The following GPC5 variants were observed in gnomAD, a reference collection of about 807,000 sequenced individuals.
GPC5 encodes the protein glypican-5.
In GPC5, 47 loss-of-function variants were observed where a neutral mutation model predicts 53.9. That is an observed-to-expected ratio of 0.87 (90% CI 0.69 to 1.11). GPC5 has a LOEUF of 1.11. Ranked by LOEUF, GPC5 falls within the 50% of genes most tolerant of loss-of-function variation. GPC5 has a pLI of 0.00. For synonymous variants in GPC5, 286 were observed against 263.3 expected (o/e 1.09, Z -0.84); for missense variants, 748 against 713.1 (o/e 1.05, Z -0.56).
intron 7 of GPC5, among the ~76,000 whole-genome samples, chr13:92,469,354 A>AT (rs1878823771): frequency 6.6e-6 from 1 of 152,036 alleles, no homozygotes; most frequent in Non-Finnish European, 1.5e-5. Context: ...TTTCTATACC[A>AT]TTTTTAATAT....
At chr13:92,377,074 A>G (rs537745393) in intron 7 of GPC5, among the ~76,000 whole-genome samples, 47 of 152,266 alleles carry the variant, frequency 3.1e-4, no homozygotes, top group Admixed American at 3.0e-3. Context: ...CATGTGGTAA[A>G]TTGTTCTTTA....
intron 7 of GPC5, among the ~76,000 whole-genome samples, chr13:92,252,154 G>A (rs1287672632): frequency 1.3e-5 from 2 of 152,104 alleles, no homozygotes; most frequent in Admixed American, 1.3e-4. Context: ...AGTGACACAT[G>A]ACTGGCCTCT....
chr13:92,307,951 G>A (rs2043121646), intron 7 of GPC5, among the ~76,000 whole-genome samples: 1 of 152,022 alleles, frequency 6.6e-6, no homozygotes, highest in Non-Finnish European at 1.5e-5. Flanking sequence ...CTATGGGTGG[G>A]GCTACATTTT....
At chr13:91,558,987 G>A (rs1048980012) in intron 2 of GPC5, among the ~76,000 whole-genome samples, 1 of 151,730 alleles carries the variant, frequency 6.6e-6, no homozygotes, top group Non-Finnish European at 1.5e-5. Context: ...ATTCTTTATG[G>A]TGAACACTTA....
chr13:91,549,509 A>G (rs2030499092), intron 2 of GPC5, among the ~76,000 whole-genome samples: 1 of 152,180 alleles, frequency 6.6e-6, no homozygotes, highest in Admixed American at 6.6e-5. Context: ...CAAAAGACAC[A>G]TCTGATAAAG....
intron 7 of GPC5, among the ~76,000 whole-genome samples, chr13:92,836,746 C>G (rs2138827755): frequency 6.6e-6 from 1 of 151,976 alleles, no homozygotes; most frequent in African/African-American, 2.4e-5. Flanking sequence ...CATTATAGAA[C>G]TGATCATTGT....
At chr13:91,569,929 A>G (rs2031707552) in intron 2 of GPC5, among the ~76,000 whole-genome samples, 1 of 152,182 alleles carries the variant, frequency 6.6e-6, no homozygotes, top group Non-Finnish European at 1.5e-5. Flanking sequence ...TCTGTTTTTT[A>G]TAAATTACCC....
At chr13:92,396,881 T>C (rs1875305083) in intron 7 of GPC5, among the ~76,000 whole-genome samples, 1 of 152,192 alleles carries the variant, frequency 6.6e-6, no homozygotes, top group Non-Finnish European at 1.5e-5. Flanking sequence ...ATGGGAGCAA[T>C]GTCTTTCTCC....
intron 2 of GPC5, among the ~76,000 whole-genome samples, chr13:91,564,238 T>G (rs1191778188): frequency 6.6e-6 from 1 of 152,150 alleles, no homozygotes; most frequent in African/African-American, 2.4e-5. Context: ...GATTTTCTCT[T>G]TAAGTGACAA....
In GPC5 at chr13:92,196,096, A is replaced by G. The variant is rs77632302; in HGVS notation, c.1561+51107A>G. Reference sequence around the variant, plus strand: ...TTAAAGTTAATTTTGCTTTTCATTAATATTATCTTCAAAATTTACATTTCT... The same window carrying G: ...TTAAAGTTAATTTTGCTTTTCATTAGTATTATCTTCAAAATTTACATTTCT... On this transcript the variant is annotated intron_variant, in intron 7 of 7. Coordinates refer to ENST00000377067, the MANE Select transcript of GPC5 (RefSeq NM_004466.6). Among the ~76,000 whole-genome samples, 1,212 of 152,220 alleles carry G rather than the reference A, an allele frequency of 8.0e-3. 22 individuals carry two copies. The highest frequency in any genetic ancestry group is 0.027 in the African/African-American group (1,136 of 41,568).
chr13:92,332,608 T>A (rs138951291), intron 7 of GPC5, among the ~76,000 whole-genome samples: 1 of 152,172 alleles, frequency 6.6e-6, no homozygotes, highest in African/African-American at 2.4e-5. Context: ...CATATGTTAA[T>A]AACTATTAAT....
At chr13:91,738,728 G>C (rs2036866004) in intron 4 of GPC5, among the ~76,000 whole-genome samples, 1 of 150,966 alleles carries the variant, frequency 6.6e-6, no homozygotes, top group Non-Finnish European at 1.5e-5. Flanking sequence ...AATTTTTACT[G>C]TCTAAATTGT....
At chr13:92,712,469 A>C (rs1049923802) in intron 7 of GPC5, among the ~76,000 whole-genome samples, 51 of 152,196 alleles carry the variant, frequency 3.4e-4, no homozygotes, top group South Asian at 1.0e-3. Flanking sequence ...ACAAACAAAA[A>C]AAAAACGGCA....
At chr13:92,087,313 A>T (rs1433290801) in intron 6 of GPC5, among the ~76,000 whole-genome samples, 1 of 152,184 alleles carries the variant, frequency 6.6e-6, no homozygotes, top group African/African-American at 2.4e-5. Context: ...TTCTTCCACA[A>T]TACTGTAAAC....
At position 91,673,127 on chromosome 13, in the gene GPC5, A is replaced by C. The variant is rs533290614; in HGVS notation, c.326-20060A>C. 5.9e-5 allele frequency among the ~76,000 whole-genome samples: 9 copies of C among 152,206 alleles called. No homozygotes were observed. The East Asian group carries it at 1.4e-3, about 23-fold the overall frequency. On this transcript the variant is annotated intron_variant, in intron 2 of 7. Transcript: ENST00000377067. ...GAACTTAGAGGATGGGCCAATAGGT[A>C]CAGCAAACCAGCATGGCACGCATAT...
chr13:91,677,379 C>G (rs2035408160), intron 2 of GPC5, among the ~76,000 whole-genome samples: 1 of 152,176 alleles, frequency 6.6e-6, no homozygotes, highest in African/African-American at 2.4e-5. Flanking sequence ...TAGATTTTAA[C>G]TCCAGTTTTA....
chr13:92,452,725 AC>A (rs1878113883), intron 7 of GPC5, among the ~76,000 whole-genome samples: 1 of 151,924 alleles, frequency 6.6e-6, no homozygotes, highest in Admixed American at 6.6e-5. Context: ...ACACAGCCAC[AC>A]CCGGCTAATA....
chr13:92,547,517 C>G (rs931626129), intron 7 of GPC5, among the ~76,000 whole-genome samples: 13 of 152,182 alleles, frequency 8.5e-5, no homozygotes, highest in Admixed American at 7.9e-4. Flanking sequence ...AATGAGTTGC[C>G]AGGAGTAAAA....
At chr13:91,692,116 C>T (rs2035769615) in intron 2 of GPC5, among the ~76,000 whole-genome samples, 1 of 151,878 alleles carries the variant, frequency 6.6e-6, no homozygotes, top group Admixed American at 6.6e-5. Flanking sequence ...GTAAATTATT[C>T]TTGGTTCTTT....
Sources: gnomAD v4.1 joint callset for allele counts (sites outside exome capture counted in the v4.1 genomes callset) on GRCh38, gnomAD v4.1.1 for gene constraint, MANE v1.5 for transcripts, NCBI Gene and HGNC (gene_info 2026-07-23, HGNC 2026-07-21) for gene names.